NXPE2: variants seen among roughly 807,000 people sequenced by gnomAD.
NXPE2 encodes the protein neurexophilin and PC-esterase domain family member 2, also known as NXPE family member 2.
A neutral mutation model predicts 34.4 loss-of-function variants in NXPE2; 34 were observed. The observed-to-expected ratio is 0.99, with a 90% CI of 0.75 to 1.31. The LOEUF is 1.31. NXPE2 is among the 40% of genes most tolerant of loss of function. The pLI is 0.00. For synonymous variants in NXPE2, 235 were observed against 231.3 expected (o/e 1.02, Z -0.15); for missense variants, 649 against 672.5 (o/e 0.97, Z 0.39).
the NXPE2 span, among the ~76,000 whole-genome samples, chr11:114,789,503 C>G: frequency 2.0e-5 from 3 of 152,212 alleles, no homozygotes; most frequent in African/African-American, 7.2e-5. Flanking sequence ...TTATTGAACA[C>G]AGCTTTGTAC....
the NXPE2 span, among the ~76,000 whole-genome samples, chr11:114,618,461 A>G: frequency 6.6e-6 from 1 of 152,116 alleles, no homozygotes; most frequent in South Asian, 2.1e-4. Context: ...CTCATGGGTA[A>G]CCACTGTTAT....
the NXPE2 span, chr11:114,529,747 C>A: frequency 5.9e-6 from 1 of 170,318 alleles, no homozygotes; most frequent in Non-Finnish European, 1.3e-5. Flanking sequence ...GGGAGAGAGA[C>A]CAGTTGGGAA....
At chr11:114,690,775 G>T (rs1951134866) in intron 2 of NXPE2, among the ~76,000 whole-genome samples, 1 of 151,854 alleles carries the variant, frequency 6.6e-6, no homozygotes, top group African/African-American at 2.4e-5. Context: ...CAAAGTCTTT[G>T]TTCATTTTTA....
the NXPE2 span, among the ~76,000 whole-genome samples, chr11:114,712,435 T>C: frequency 7.2e-6 from 1 of 139,350 alleles, no homozygotes; most frequent in Admixed American, 7.8e-5. Context: ...AAAAAACAAA[T>C]AGATTTAAAA....
the NXPE2 span, among the ~76,000 whole-genome samples, chr11:114,576,296 A>C: frequency 2.6e-5 from 4 of 152,032 alleles, no homozygotes; most frequent in Non-Finnish European, 5.9e-5. Context: ...CTTAGGCAAA[A>C]ACTTTATGAC....
At chr11:114,672,527 G>C in the NXPE2 span, among the ~76,000 whole-genome samples, 11,162 of 151,948 alleles carry the variant, frequency 0.073, 439 homozygotes, top group South Asian at 0.1. Flanking sequence ...GGCAGAAATT[G>C]CCAGACTGGT....
the NXPE2 span, among the ~76,000 whole-genome samples, chr11:114,809,844 G>C: frequency 8.6e-5 from 10 of 116,428 alleles, no homozygotes; most frequent in African/African-American, 3.1e-4. Flanking sequence ...AAACTACTTT[G>C]AAGTTCATAT....
the NXPE2 span, among the ~76,000 whole-genome samples, chr11:114,569,734 C>T: frequency 6.6e-6 from 1 of 152,174 alleles, no homozygotes; most frequent in Non-Finnish European, 1.5e-5. Context: ...ACCCTTCCAC[C>T]TCAGCCTCCA....
chr11:114,639,056 C>T, the NXPE2 span, among the ~76,000 whole-genome samples: 1 of 152,098 alleles, frequency 6.6e-6, no homozygotes, highest in African/African-American at 2.4e-5. Flanking sequence ...TTTGTCTGTG[C>T]CCTGCCCCCA....
At chr11:114,634,989 A>G in the NXPE2 span, among the ~76,000 whole-genome samples, 1 of 151,974 alleles carries the variant, frequency 6.6e-6, no homozygotes, top group East Asian at 1.9e-4. Context: ...AGTTTTTTCC[A>G]ATTCTGTGAA....
the NXPE2 span, among the ~76,000 whole-genome samples, chr11:114,550,440 T>A: frequency 6.6e-5 from 10 of 152,276 alleles, no homozygotes; most frequent in Non-Finnish European, 1.3e-4. Flanking sequence ...AAATTTAGTA[T>A]GCTACGGAGG....
chr11:114,723,222 C>G, the NXPE2 span, among the ~76,000 whole-genome samples: 1 of 152,032 alleles, frequency 6.6e-6, no homozygotes, highest in Non-Finnish European at 1.5e-5. Context: ...ACTGAGCAGT[C>G]AGCACATGGA....
chr11:114,742,037 A>G, the NXPE2 span, among the ~76,000 whole-genome samples: 7 of 150,510 alleles, frequency 4.7e-5, no homozygotes, highest in Non-Finnish European at 1.5e-5. Context: ...CCCACTTCAT[A>G]CCTCTTGTTC....
chr11:114,708,215 G>A (rs191251668), downstream of NXPE2, among the ~76,000 whole-genome samples: 306 of 152,240 alleles, frequency 2.0e-3, 2 homozygotes, highest in African/African-American at 6.0e-3. Flanking sequence ...GTAACCAGTT[G>A]TTCTCTAGAT....
chr11:114,799,291 CAAAAAAA>C, the NXPE2 span, among the ~76,000 whole-genome samples: 74 of 94,308 alleles, frequency 7.8e-4, no homozygotes, highest in African/African-American at 2.5e-3. Context: ...GGCAATGAAG[CAAAAAAA>C]AAAAAAAAAA....
At chr11:114,556,610 T>G in the NXPE2 span, among the ~76,000 whole-genome samples, 2 of 152,012 alleles carry the variant, frequency 1.3e-5, no homozygotes, top group Non-Finnish European at 2.9e-5. Context: ...CCACGCAGCA[T>G]GATTCCCTAC....
chr11:114,630,814 A>G, the NXPE2 span, among the ~76,000 whole-genome samples: 2 of 151,950 alleles, frequency 1.3e-5, no homozygotes, highest in Non-Finnish European at 2.9e-5. Context: ...AATGAACTCA[A>G]ACAAATTTAC....
chr11:114,619,730 T>C, the NXPE2 span, among the ~76,000 whole-genome samples: 15 of 151,644 alleles, frequency 9.9e-5, no homozygotes, highest in East Asian at 2.9e-3. Flanking sequence ...ACTGTTACCC[T>C]GTGGTTAATA....
chr11:114,809,044 CA>C, the NXPE2 span, among the ~76,000 whole-genome samples: 1 of 152,142 alleles, frequency 6.6e-6, no homozygotes, highest in Non-Finnish European at 1.5e-5. Context: ...TCAACATACA[CA>C]AATCAATAAA....
Sources: gnomAD v4.1 joint callset for allele counts (sites outside exome capture counted in the v4.1 genomes callset) on GRCh38, gnomAD v4.1.1 for gene constraint, MANE v1.5 for transcripts, NCBI Gene and HGNC (gene_info 2026-07-23, HGNC 2026-07-21) for gene names.